The following FAT4 variants were observed in gnomAD, a reference collection of about 807,000 sequenced individuals.
FAT4 encodes FAT atypical cadherin 4.
FAT4 carries 84 observed loss-of-function variants against 303.9 expected under a neutral mutation model. The ratio of observed to expected loss-of-function variants is 0.28; its 90% CI spans 0.23 to 0.33. The LOEUF (loss-of-function observed/expected upper bound fraction) is 0.33. Among genes scored for constraint, FAT4 ranks in the 10% least tolerant of loss-of-function variants. The probability of loss-of-function intolerance (pLI) is 1.00; values close to 1 mark genes in which losing one functional copy is unlikely to be tolerated. For synonymous variants in FAT4, 2,307 were observed against 2,298.8 expected, an observed-to-expected ratio of 1.00 and a Z score of -0.10; for missense variants, 6,005 against 6,146.8, an observed-to-expected ratio of 0.98 and a Z score of 0.77.
intron 2 of FAT4, among the ~76,000 whole-genome samples, chr4:125,356,149 G>T (rs758996258): frequency 2.0e-5 from 3 of 151,982 alleles, no homozygotes; most frequent in Non-Finnish European, 2.9e-5. Flanking sequence ...ACTCAGAGTG[G>T]CCTTATCTTT....
chr4:125,366,116 G>T (rs1451800574), intron 2 of FAT4, among the ~76,000 whole-genome samples: 1 of 152,100 alleles, frequency 6.6e-6, no homozygotes, highest in Non-Finnish European at 1.5e-5. Flanking sequence ...ACTGGTCCCT[G>T]GTGCCAAAAA....
intron 2 of FAT4, among the ~76,000 whole-genome samples, chr4:125,356,171 A>G (rs1020197062): frequency 2.0e-5 from 3 of 152,028 alleles, no homozygotes; most frequent in Non-Finnish European, 4.4e-5. Flanking sequence ...TAGTCTAACA[A>G]TAATAGTACA....
At chr4:125,459,543 TATG>T (rs1437141122) in intron 10 of FAT4, among the ~76,000 whole-genome samples, 5 of 152,082 alleles carry the variant, frequency 3.3e-5, no homozygotes, top group Non-Finnish European at 7.4e-5. Context: ...TCCTTCTAGT[TATG>T]ATAAATAGTG....
chr4:125,324,036 G>C (rs1301583467), intron 2 of FAT4, among the ~76,000 whole-genome samples: 1 of 152,108 alleles, frequency 6.6e-6, no homozygotes, highest in African/African-American at 2.4e-5. Flanking sequence ...CCAAAGATGT[G>C]TCCAGTTATA....
chr4:125,327,964 G>A (rs1578525711), intron 2 of FAT4, among the ~76,000 whole-genome samples: 2 of 152,112 alleles, frequency 1.3e-5, no homozygotes, highest in South Asian at 2.1e-4. Flanking sequence ...AGGCCCTGAG[G>A]TGGGTTCTGT....
At chr4:125,382,474 G>C (rs1369215011) in intron 2 of FAT4, among the ~76,000 whole-genome samples, 3 of 152,196 alleles carry the variant, frequency 2.0e-5, no homozygotes, top group Non-Finnish European at 1.5e-5. Context: ...TTACTGAGCA[G>C]TAATTGTCAA....
At chr4:125,478,740 A>G (rs1727120081) in intron 14 of FAT4, among the ~76,000 whole-genome samples, 1 of 152,126 alleles carries the variant, frequency 6.6e-6, no homozygotes, top group Non-Finnish European at 1.5e-5. Flanking sequence ...CATGTTGACC[A>G]GGCTGGTCTT....
At chr4:125,400,447 A>G (rs1356884471) in intron 3 of FAT4, among the ~76,000 whole-genome samples, 1 of 151,966 alleles carries the variant, frequency 6.6e-6, no homozygotes, top group African/African-American at 2.4e-5. Context: ...TTCCTTCCCA[A>G]TATTTTCTCT....
chr4:125,336,722 G>A (rs536687942), intron 2 of FAT4, among the ~76,000 whole-genome samples: 1 of 151,926 alleles, frequency 6.6e-6, no homozygotes, highest in Non-Finnish European at 1.5e-5. Context: ...TGAGTAAGTG[G>A]TCTTAGTTGT....
chr4:125,479,390 T>C (rs1727143566), intron 14 of FAT4, among the ~76,000 whole-genome samples: 1 of 152,218 alleles, frequency 6.6e-6, no homozygotes, highest in African/African-American at 2.4e-5. Flanking sequence ...ATGAGTATCC[T>C]GATAGACATG....
At chr4:125,460,504 T>A (rs2126068784) in intron 10 of FAT4, among the ~76,000 whole-genome samples, 1 of 152,154 alleles carries the variant, frequency 6.6e-6, no homozygotes, top group South Asian at 2.1e-4. Flanking sequence ...TCTCATCATT[T>A]AGCTCCCACT....
intron 4 of FAT4, among the ~76,000 whole-genome samples, chr4:125,407,889 T>G (rs1274403589): frequency 6.6e-6 from 1 of 152,112 alleles, no homozygotes; most frequent in Non-Finnish European, 1.5e-5. Flanking sequence ...AGCCATACAT[T>G]TTAGAAACTC....
rs1421809021 is a variant in FAT4 at position 125,492,871 on chromosome 4, A to T, written c.*1103A>T. 1 of 152,412 alleles carries T rather than the reference A, an allele frequency of 6.6e-6. No individual in the cohort carries two copies. Among genetic ancestry groups the T allele is most frequent in the Non-Finnish European group, 1.5e-5 (1 of 68,004 alleles). The allele number at this position is 152,412 out of a possible 1,614,324, so 9.4% of individuals were successfully genotyped here. On this transcript the variant is annotated 3_prime_UTR_variant, in exon 18 of 18. Transcript: ENST00000394329. ...TATTTTTCTCATTTTGATATTTGTA[A>T]CATACTGTATGCTTTCTACTTGTAA...
chr4:125,317,486 C>G lies in FAT4; in HGVS notation c.1075C>G (p.Pro359Ala). The change falls in exon 2 of 18, where the codon CCG (proline) becomes GCG (alanine). Residue 359 changes from proline (P) to alanine (A), a missense_variant. By Grantham distance (27) the Pro-to-Ala change is conservative (BLOSUM62 -1). Coordinates refer to ENST00000394329, the MANE Select transcript of FAT4 (RefSeq NM_001291303.3). The surrounding 1 kb of genome is among the most constrained non-coding windows in gnomAD (Gnocchi z 7.0). ...CCCGGTAGTGAAGTTCCGCTACTTC[C>G]CGGCCACCTCGCGCTACGCCTCGGT... is the stretch of plus-strand genomic sequence containing the variant. ...NDPVVKFRYFPATSRYASVDE... is the reference protein window; with the variant it reads ...NDPVVKFRYFAATSRYASVDE... The G allele has an allele frequency of 3.1e-6, 5 of 1,613,732 alleles. No homozygotes were observed. Among genetic ancestry groups the G allele is most frequent in the Non-Finnish European group, 4.2e-6 (5 of 1,180,038 alleles).
At chr4:125,348,984 T>A (rs1267430958) in intron 2 of FAT4, among the ~76,000 whole-genome samples, 1 of 151,888 alleles carries the variant, frequency 6.6e-6, no homozygotes, top group Non-Finnish European at 1.5e-5. Context: ...TAAATTGTCA[T>A]ATAAGAAATA....
intron 12 of FAT4, among the ~76,000 whole-genome samples, chr4:125,470,236 T>C (rs1726810499): frequency 6.6e-6 from 1 of 152,168 alleles, no homozygotes; most frequent in South Asian, 2.1e-4. Context: ...GCATTTCTGT[T>C]TACTGATAGA....
chr4:125,486,159 A>C (rs1312901996), intron 16 of FAT4, among the ~76,000 whole-genome samples: 1 of 146,434 alleles, frequency 6.8e-6, no homozygotes, highest in African/African-American at 2.5e-5. Flanking sequence ...TTTTTTTTCA[A>C]AAAGGACTCC....
intron 3 of FAT4, among the ~76,000 whole-genome samples, chr4:125,401,725 G>A: frequency 1.5e-5 from 1 of 67,878 alleles, no homozygotes; most frequent in East Asian, 4.3e-4. Context: ...GATTCCGTTT[G>A]TCTCTTGTTC....
chr4:125,389,022 T>C (rs1394167513), intron 2 of FAT4, among the ~76,000 whole-genome samples: 1 of 152,162 alleles, frequency 6.6e-6, no homozygotes, highest in African/African-American at 2.4e-5. Flanking sequence ...AGAAATATAA[T>C]TGGTCACAGT....
Sources: allele counts gnomAD v4.1 joint callset (sites outside exome capture counted in the v4.1 genomes callset), GRCh38; gene constraint gnomAD v4.1.1; non-coding constraint Gnocchi (gnomAD v3.1); transcripts MANE v1.5; gene names NCBI Gene and HGNC (gene_info 2026-07-23, HGNC 2026-07-21).